The following ZNRF3 variants were observed in gnomAD, a reference collection of about 807,000 sequenced individuals.
ZNRF3 encodes E3 ubiquitin-protein ligase ZNRF3.
ZNRF3 carries 23 observed loss-of-function variants against 72.5 expected under a neutral mutation model. The ratio of observed to expected loss-of-function variants is 0.32; its 90% confidence interval spans 0.23 to 0.45. The LOEUF is 0.45. Ranked by LOEUF, ZNRF3 falls within the 20% of genes least tolerant of loss-of-function variation. The probability of loss-of-function intolerance (pLI) is 1.00; values close to 1 mark genes in which losing one functional copy is unlikely to be tolerated. For synonymous variants in ZNRF3, 610 were observed against 545.3 expected (o/e 1.12, Z -1.65); for missense variants, 1,169 against 1,272.1 (o/e 0.92, Z 1.23).
chr22:28,900,656 A>G (rs931153390), intron 1 of ZNRF3, among the ~76,000 whole-genome samples: 2 of 152,206 alleles, frequency 1.3e-5, no homozygotes, highest in African/African-American at 4.8e-5. Context: ...CTCAAGCCTC[A>G]TCACACAAAA....
At chr22:29,008,183 C>G (rs1041047060) in intron 2 of ZNRF3, among the ~76,000 whole-genome samples, 10 of 152,176 alleles carry the variant, frequency 6.6e-5, no homozygotes, top group African/African-American at 2.2e-4. Context: ...GTCATCATCA[C>G]TGTGTCTCGT....
intron 2 of ZNRF3, among the ~76,000 whole-genome samples, chr22:28,993,428 T>A (rs1004676062): frequency 7.9e-5 from 12 of 152,332 alleles, no homozygotes; most frequent in African/African-American, 2.9e-4. Context: ...GCTCTTCTGA[T>A]AAGCAGCGGG....
chr22:28,934,155 CTG>C (rs1189511841), intron 1 of ZNRF3, among the ~76,000 whole-genome samples: 1 of 152,168 alleles, frequency 6.6e-6, no homozygotes, highest in Non-Finnish European at 1.5e-5. Flanking sequence ...AGTGGCTCCT[CTG>C]GAGTGCTTTC....
intron 1 of ZNRF3, among the ~76,000 whole-genome samples, chr22:28,915,633 C>T (rs1282549829): frequency 6.6e-6 from 1 of 152,178 alleles, no homozygotes; most frequent in Non-Finnish European, 1.5e-5. Context: ...ATCTTCTGGA[C>T]TTGCCTTAGT....
intron 1 of ZNRF3, among the ~76,000 whole-genome samples, chr22:28,970,330 C>G (rs1252967904): frequency 1.3e-5 from 2 of 152,136 alleles, no homozygotes. Flanking sequence ...CTGCTACGTG[C>G]CACTAGAATG....
At chr22:28,982,298 G>T (rs2035777522) in intron 1 of ZNRF3, among the ~76,000 whole-genome samples, 1 of 151,932 alleles carries the variant, frequency 6.6e-6, no homozygotes, top group Non-Finnish European at 1.5e-5. Flanking sequence ...TTAAATAAGA[G>T]ATTAAAATGT....
chr22:29,024,284 G>GTTTTTTTTTTTTTTTT (rs59532780), intron 2 of ZNRF3, among the ~76,000 whole-genome samples: 1 of 127,840 alleles, frequency 7.8e-6, no homozygotes. Context: ...GGCATTAACT[G>GTTTTTTTTTTTTTTTT]TTTTTTTTTT....
chr22:28,937,207 ATATATATATTTTTTTTTTTTTTT>A (rs2034849552), intron 1 of ZNRF3, among the ~76,000 whole-genome samples: 1 of 2,854 alleles, frequency 3.5e-4, no homozygotes, highest in African/African-American at 5.1e-4. Context: ...ATATATATAT[ATATATATATTTTTTTTTTTTTTT>A]TTTTTTTTAA....
chr22:28,889,280 T>C (rs2123742377), intron 1 of ZNRF3, among the ~76,000 whole-genome samples: 1 of 152,376 alleles, frequency 6.6e-6, no homozygotes, highest in Middle Eastern at 3.4e-3. Flanking sequence ...AGATAGTCCA[T>C]GAACTCCTGC....
chr22:28,939,294 A>AC (rs1383397383), intron 1 of ZNRF3, among the ~76,000 whole-genome samples: 10 of 151,796 alleles, frequency 6.6e-5, no homozygotes, highest in Admixed American at 2.0e-4. Flanking sequence ...AAAAAAAAAA[A>AC]AAAAACAAAA....
chr22:29,000,937 C>T (rs2036130434), intron 2 of ZNRF3, among the ~76,000 whole-genome samples: 1 of 151,822 alleles, frequency 6.6e-6, no homozygotes, highest in Non-Finnish European at 1.5e-5. Flanking sequence ...TATAGGCACG[C>T]CCACCACACC....
intron 2 of ZNRF3, among the ~76,000 whole-genome samples, chr22:29,010,474 T>A (rs1281763243): frequency 6.6e-6 from 1 of 152,218 alleles, no homozygotes; most frequent in Non-Finnish European, 1.5e-5. Context: ...TGTATCTACA[T>A]ACCACGTTTT....
intron 1 of ZNRF3, among the ~76,000 whole-genome samples, chr22:28,932,069 A>G (rs1278918999): frequency 6.6e-6 from 1 of 152,242 alleles, no homozygotes; most frequent in Non-Finnish European, 1.5e-5. Context: ...TGGCACCTGT[A>G]GCTGAGGCTT....
At chr22:28,998,843 C>G (rs1429057040) in intron 2 of ZNRF3, among the ~76,000 whole-genome samples, 1 of 152,150 alleles carries the variant, frequency 6.6e-6, no homozygotes, top group African/African-American at 2.4e-5. Context: ...ATGTGTCTGT[C>G]AAGCCAAGGA....
chr22:29,009,968 T>A (rs4580479), intron 2 of ZNRF3, among the ~76,000 whole-genome samples: 3 of 147,980 alleles, frequency 2.0e-5, no homozygotes, highest in Non-Finnish European at 3.0e-5. Flanking sequence ...GTCCAGTGGC[T>A]CAATCTCGGC....
At chr22:28,954,131 G>T (rs779843262) in intron 1 of ZNRF3, among the ~76,000 whole-genome samples, 1 of 152,082 alleles carries the variant, frequency 6.6e-6, no homozygotes, top group Non-Finnish European at 1.5e-5. Flanking sequence ...CCATATCTGC[G>T]TGCCAGCTGT....
At chr22:28,963,724 T>A (rs547587101) in intron 1 of ZNRF3, among the ~76,000 whole-genome samples, 1 of 152,218 alleles carries the variant, frequency 6.6e-6, no homozygotes, top group Non-Finnish European at 1.5e-5. Flanking sequence ...TAGGACAGTT[T>A]CTTGACTATT....
chr22:28,894,535 C>T (rs779959946), intron 1 of ZNRF3, among the ~76,000 whole-genome samples: 11 of 152,112 alleles, frequency 7.2e-5, no homozygotes, highest in Non-Finnish European at 1.0e-4. Flanking sequence ...AGAGGCCTCA[C>T]GGTGGGGACC....
In ZNRF3 at chr22:29,050,147, G is replaced by T; in HGVS notation, c.1966G>T (p.Asp656Tyr). ...GCCGGGCCCTGCCTCTCCCTCGGGG[G>T]ATCAGGTGTCCACCTGCAGCCTGGA... ...PWPGPASPSG[D>Y]QVSTCSLEMN... Residue 656 changes from aspartate (D) to tyrosine (Y), a missense_variant, in exon 8 of 9, where the codon GAT (aspartate) becomes TAT (tyrosine). Around this residue, in one of 2 missense-constraint regions of ZNRF3, gnomAD observed 783 missense variants for 731.4 expected, o/e 1.07. Transcript: ENST00000544604. 6.2e-7 allele frequency: 1 copy of T among 1,604,946 alleles called. No individual in the cohort carries two copies. Among genetic ancestry groups the T allele is most frequent in the East Asian group, 2.2e-5 (1 of 44,862 alleles).
Sources: allele counts gnomAD v4.1 joint callset (sites outside exome capture counted in the v4.1 genomes callset), GRCh38; gene constraint gnomAD v4.1.1; regional missense constraint gnomAD v4.1.1; transcripts MANE v1.5; gene names NCBI Gene and HGNC (gene_info 2026-07-23, HGNC 2026-07-21).